COL18A1: variants seen among roughly 807,000 people sequenced by gnomAD.
The protein encoded by COL18A1 is collagen type XVIII alpha 1 chain, also known as collagen alpha-1(XVIII) chain.
Under a neutral mutation model 168.0 loss-of-function variants are expected in COL18A1, and 133 were observed. The ratio of observed to expected loss-of-function variants is 0.79; its 90% CI spans 0.69 to 0.91. The LOEUF (loss-of-function observed/expected upper bound fraction) is 0.91, where lower values mean the gene tolerates loss of function less well. Ranked by LOEUF, COL18A1 falls within the 40% of genes least tolerant of loss-of-function variation. The pLI, the probability that COL18A1 is intolerant of heterozygous loss-of-function variation, is 0.00. For missense variants in COL18A1, 2,126 were observed against 1,925.4 expected, an observed-to-expected ratio of 1.10 and a Z score of -1.95; for synonymous variants, 949 against 809.0, an observed-to-expected ratio of 1.17 and a Z score of -2.94.
intron 2 of COL18A1, among the ~76,000 whole-genome samples, chr21:45,450,960 C>T (rs2145838361): frequency 6.6e-6 from 1 of 152,336 alleles, no homozygotes; most frequent in South Asian, 2.1e-4. Flanking sequence ...TCCACCAAGG[C>T]CAGGTGGACG....
intron 5 of COL18A1, among the ~76,000 whole-genome samples, chr21:45,475,762 G>A (rs1214129308): frequency 1.3e-5 from 2 of 152,246 alleles, no homozygotes; most frequent in South Asian, 2.1e-4. Flanking sequence ...CTGGTGAGAG[G>A]ATATTCCTTT....
rs549953415 is a variant in COL18A1, at chr21:45,481,569, G to C, written c.1612-394G>C. 2.1e-4 allele frequency among the ~76,000 whole-genome samples: 32 copies of C among 152,314 alleles called. No homozygotes were observed. The East Asian group carries it at 6.2e-3, about 29-fold the overall frequency. On this transcript the variant is annotated intron_variant, in intron 13 of 41. Coordinates refer to ENST00000651438, the MANE Select transcript of COL18A1 (RefSeq NM_001379500.1). ...CCGATGGGCATTCACCGTCACCATC[G>C]GCTCTGAGGCCTCTCTGGGTGCCGC...
intron 2 of COL18A1, among the ~76,000 whole-genome samples, chr21:45,414,190 G>A (rs996570614): frequency 6.6e-6 from 1 of 152,182 alleles, no homozygotes; most frequent in African/African-American, 2.4e-5. Flanking sequence ...CTGCTGCCCT[G>A]CCTCTTGCTA....
At chr21:45,505,004 C>T in intron 34 of COL18A1, 130 bp from the exon 35 acceptor site, 3 of 1,177,694 alleles carry the variant, frequency 2.5e-6, no homozygotes, top group South Asian at 1.3e-5. Context: ...ATGGCGTGGG[C>T]AGGGAGGGGA....
rs1274861931 is a variant in COL18A1 at position 45,423,906 on chromosome 21, G to A, written c.106+18433G>A. 1 of 152,286 alleles carries A rather than the reference G, an allele frequency of 6.6e-6. No homozygotes were observed. The highest frequency in any genetic ancestry group is 6.5e-5 in the Admixed American group (1 of 15,286). The allele number at this position is 152,286 out of a possible 1,614,324, so 9.4% of individuals were successfully genotyped here. On this transcript the variant is annotated intron_variant, in intron 2 of 41. Transcript: ENST00000651438. The surrounding 1 kb of genome is among the most constrained non-coding windows in gnomAD (Gnocchi z 4.0). ...CTGACGCACTCAGCTGCTCGCCCAG[G>A]GCCCTCCTGTTGGGCATTTGGATTT...
chr21:45,426,862 T>A (rs1292037020), intron 2 of COL18A1, among the ~76,000 whole-genome samples: 1 of 152,204 alleles, frequency 6.6e-6, no homozygotes, highest in East Asian at 1.9e-4. Context: ...CTGCTGGGAC[T>A]GATGCTCCCC....
chr21:45,471,666 C>T lies in COL18A1; in HGVS notation c.652-2229C>T, dbSNP rs369360950. Among the ~76,000 whole-genome samples the T allele has an allele frequency of 4.6e-5, 7 of 152,248 alleles. No homozygotes were observed. Among genetic ancestry groups the T allele is most frequent in the Non-Finnish European group, 8.8e-5 (6 of 68,010 alleles). The stretch of plus-strand genomic sequence containing the variant: ...GTCAGGTTTGTCAGTGGTCGTCTCC[C>T]GGGAAATCATGCACCCCTCCCAGCT... On this transcript the variant is annotated intron_variant, in intron 3 of 41. Transcript: ENST00000651438. This position sits in a 1 kb window ranked among gnomAD's most constrained non-coding sequence, Gnocchi z 4.4.
In COL18A1 at chr21:45,491,391, C is replaced by CT. The variant is rs1568923194; in HGVS notation, c.2157+77_2157+78insT. 5 of 727,492 alleles carry CT rather than the reference C, an allele frequency of 6.9e-6. No homozygotes were observed. The African/African-American group carries it at 7.2e-5, about 11-fold the overall frequency. The allele number at this position is 727,492 out of a possible 1,614,324, so 45.1% of individuals were successfully genotyped here. ...TGCAGAGATCCCTCCCCGAGCCCCC[C>CT]CCACACCCCCACATCCCCCAGGTCA... On this transcript the variant is annotated intron_variant, in intron 22 of 41. Coordinates refer to ENST00000651438, the MANE Select transcript of COL18A1 (RefSeq NM_001379500.1).
At chr21:45,462,206 T>C (rs1249530115) in intron 2 of COL18A1, among the ~76,000 whole-genome samples, 1 of 152,234 alleles carries the variant, frequency 6.6e-6, no homozygotes, top group Non-Finnish European at 1.5e-5. Context: ...TCTCTCTGTT[T>C]TTGAAAGTTT....
At chr21:45,482,937 C>T (rs544849350) in intron 15 of COL18A1, 116 bp downstream of exon 15, 1 of 1,456,002 alleles carries the variant, frequency 6.9e-7, no homozygotes, top group Admixed American at 1.8e-5. Flanking sequence ...TTGGGGCTGG[C>T]CTTGACCCCC....
Position 45,423,467 on chromosome 21 carries a change from C to T in COL18A1, c.106+17994C>T, listed in dbSNP as rs139392307. Reference sequence around the variant, plus strand: ...CAGCAGGACCCTCCCAAAGCTGTGTCCACACACAGCTGGGCGCCCGCCCCC... The same window carrying T: ...CAGCAGGACCCTCCCAAAGCTGTGTTCACACACAGCTGGGCGCCCGCCCCC... On this transcript the variant is annotated intron_variant, in intron 2 of 41. Transcript: ENST00000651438. The surrounding 1 kb of genome is among the most constrained non-coding windows in gnomAD (Gnocchi z 4.0). 0.014 allele frequency among the ~76,000 whole-genome samples: 2,204 copies of T among 152,268 alleles called. 19 individuals carry two copies. The highest frequency in any genetic ancestry group is 0.024 in the Non-Finnish European group (1,610 of 68,006).
In COL18A1 at chr21:45,505,339, C is replaced by T. The variant is rs375236772; in HGVS notation, c.3014-19C>T. 4.4e-4 allele frequency: 702 copies of T among 1,593,298 alleles called. 5 individuals carry two copies. In the African/African-American group the frequency reaches 8.8e-3, roughly 20 times the overall value. ...GCCTCGTGTGGCTTCGTGTTCCCACCTTGGTTTCTCTCCTGCAGCTATCAG... is the reference window on the plus strand; with the variant it reads ...GCCTCGTGTGGCTTCGTGTTCCCACTTTGGTTTCTCTCCTGCAGCTATCAG... On this transcript the variant is annotated intron_variant, in intron 35 of 41. Transcript: ENST00000651438.
At chr21:45,499,132 C>G (rs1463876167) in intron 32 of COL18A1, among the ~76,000 whole-genome samples, 1 of 152,196 alleles carries the variant, frequency 6.6e-6, no homozygotes, top group African/African-American at 2.4e-5. Flanking sequence ...GCCAGAAGAC[C>G]ATAAATGGTT....
At chr21:45,421,703 C>T (rs1027852761) in intron 2 of COL18A1, 11 of 451,214 alleles carry the variant, frequency 2.4e-5, no homozygotes, top group Admixed American at 1.6e-4. Context: ...GGGTACTTGC[C>T]GTGCCTGCCT....
At chr21:45,495,483 G>C (rs777903446) in intron 29 of COL18A1, 51 bp downstream of exon 29, 1 of 1,486,236 alleles carries the variant, frequency 6.7e-7, no homozygotes, top group Non-Finnish European at 9.2e-7. Flanking sequence ...CAGGACCTGG[G>C]AATGGCCTGG....
chr21:45,508,712 C>T (rs2037398975), intron 38 of COL18A1, among the ~76,000 whole-genome samples: 1 of 152,146 alleles, frequency 6.6e-6, no homozygotes, highest in Non-Finnish European at 1.5e-5. Flanking sequence ...TGCTCTCACT[C>T]ATTTGCTGAT....
chr21:45,429,379 C>A (rs533984790), intron 2 of COL18A1, among the ~76,000 whole-genome samples: 1 of 152,142 alleles, frequency 6.6e-6, no homozygotes, highest in Admixed American at 6.6e-5. Context: ...TCGCTGTCAG[C>A]GATGGCTGCT....
At position 45,457,505 on chromosome 21, in the gene COL18A1, C is replaced by T. The variant is rs911371261; in HGVS notation, c.107-10737C>T. Among the ~76,000 whole-genome samples the T allele has an allele frequency of 1.5e-4, 23 of 152,194 alleles. No individual in the cohort carries two copies. Among genetic ancestry groups the T allele is most frequent in the Non-Finnish European group, 1.5e-4 (10 of 68,022 alleles). On this transcript the variant is annotated intron_variant, in intron 2 of 41. Transcript: ENST00000651438. This position sits in a 1 kb window ranked among gnomAD's most constrained non-coding sequence, Gnocchi z 4.6. Reference sequence around the variant, plus strand: ...CCGCTTCTGGGCCCAGGGGACGTTGCCCCATCACCGTGTGGCCTGGCCTTG... The same window carrying T: ...CCGCTTCTGGGCCCAGGGGACGTTGTCCCATCACCGTGTGGCCTGGCCTTG...
rs992247332 is a variant in COL18A1, at chr21:45,505,571, C to T, written c.3087+140C>T. ...CAAGATGCGGTTTCCAGGGTGGAAG[C>T]GGGGCCAGGCCATGGGGGAATCAGG... On this transcript the variant is annotated intron_variant, in intron 36 of 41. Coordinates refer to ENST00000651438, the MANE Select transcript of COL18A1 (RefSeq NM_001379500.1). 3.5e-5 allele frequency: 24 copies of T among 685,638 alleles called. 1 individual carries two copies. Among genetic ancestry groups the T allele is most frequent in the South Asian group, 1.9e-4 (12 of 62,650 alleles). 42.5% of individuals were successfully genotyped at this position (685,638 alleles called of 1,614,324 possible). A position where few individuals can be genotyped will look rare whatever the true frequency, so the allele number is the denominator to read the frequency against.
Sources: gnomAD v4.1 joint callset for allele counts (sites outside exome capture counted in the v4.1 genomes callset) on GRCh38, gnomAD v4.1.1 for gene constraint, Gnocchi (gnomAD v3.1) non-coding constraint, MANE v1.5 for transcripts, NCBI Gene and HGNC (gene_info 2026-07-23, HGNC 2026-07-21) for gene names.